Variants in CACTIN observed in about 807,000 individuals in gnomAD.
CACTIN encodes the protein splicing factor Cactin.
Under a neutral mutation model 84.9 loss-of-function variants are expected in CACTIN, and 20 were observed. That is an observed-to-expected ratio of 0.24 (90% CI 0.17 to 0.34). The LOEUF is 0.34. Ranked by LOEUF, CACTIN falls within the 10% of genes least tolerant of loss-of-function variation. The probability of loss-of-function intolerance (pLI) is 1.00; values close to 1 mark genes in which losing one functional copy is unlikely to be tolerated. For missense variants in CACTIN, 897 were observed against 1,117.2 expected (o/e 0.80, Z 2.81); for synonymous variants, 549 against 467.9 (o/e 1.17, Z -2.24).
At position 3,620,710 on chromosome 19, in the gene CACTIN, C is replaced by A; in HGVS notation, c.735G>T (p.Gln245His). The A allele has an allele frequency of 6.2e-7, 1 of 1,610,814 alleles. No homozygotes were observed. Residue 245 changes from glutamine (Q) to histidine (H), a missense_variant, in exon 3 of 10, where the codon CAG (glutamine) becomes CAT (histidine). Physicochemically the swap from Gln to His is conservative, Grantham distance 24. This residue lies in a region of CACTIN where 304 missense variants were observed against 444.3 expected (regional missense o/e 0.68). Transcript: ENST00000429344. ...RIQEDNRLEL[Q>H]KVKQLRLERE... Reference sequence around the variant, plus strand: ...AGTGGGCTGGCAGGGTGCCTACCTTCTGCAGCTCCAGCCGGTTGTCCTCCT... The same window carrying A: ...AGTGGGCTGGCAGGGTGCCTACCTTATGCAGCTCCAGCCGGTTGTCCTCCT...
At chr19:3,617,588 G>A (rs910399529) in intron 6 of CACTIN, among the ~76,000 whole-genome samples, 1 of 151,528 alleles carries the variant, frequency 6.6e-6, no homozygotes, top group Non-Finnish European at 1.5e-5. Context: ...GCTTATAGGA[G>A]AGGCCGGGCC....
chr19:3,620,432 A>C (rs2033199362), intron 3 of CACTIN, 160 bp from the exon 4 acceptor site: 3 of 868,394 alleles, frequency 3.5e-6, no homozygotes, highest in South Asian at 1.4e-5. Context: ...GGGAAGGGAG[A>C]GGGCCCTCCT....
intron 2 of CACTIN, 52 bp from the exon 3 acceptor site, chr19:3,620,854 C>G: frequency 7.0e-7 from 1 of 1,428,636 alleles, no homozygotes; most frequent in Non-Finnish European, 9.8e-7. Context: ...CCCTCGCCCC[C>G]CTCCTCAGCT....
intron 4 of CACTIN, 29 bp downstream of exon 4, chr19:3,620,098 G>A (rs776226603): frequency 6.2e-7 from 1 of 1,605,864 alleles, no homozygotes; most frequent in East Asian, 2.2e-5. Context: ...CCAAGTCTGG[G>A]TCGGAGGGAG....
At chr19:3,614,708 G>A in intron 6 of CACTIN, 119 bp from the exon 7 acceptor site, 1 of 786,422 alleles carries the variant, frequency 1.3e-6, no homozygotes, top group Non-Finnish European at 2.1e-6. Context: ...CCCCCACAGG[G>A]GTCCCATCCA....
At chr19:3,624,837 CTTTAAT>C (rs1474052746) in intron 1 of CACTIN, among the ~76,000 whole-genome samples, 5 of 151,948 alleles carry the variant, frequency 3.3e-5, no homozygotes, top group African/African-American at 1.2e-4. Flanking sequence ...GTTCAGGGGC[CTTTAAT>C]TTTATTTATT....
rs753854187 is a variant in CACTIN at position 3,613,306 on chromosome 19, G to A, written c.1538C>T (p.Ala513Val). The change falls in exon 9 of 10, where the codon GCG becomes GTG. Residue 513 changes from alanine to valine, a missense_variant. Ala to Val is a moderately conservative substitution (Grantham distance 64). Coordinates refer to ENST00000429344, the MANE Select transcript of CACTIN (RefSeq NM_001080543.2). Reference protein sequence around the residue: ...PPGPSSEGGPAEAEVDGATPT... With the variant: ...PPGPSSEGGPVEAEVDGATPT... ...GGTCGCGCCGTCCACCTCGGCCTCC[G>A]CGGGGCCGCCCTCCGAGGAGGGCCC... is the stretch of plus-strand genomic sequence containing the variant. 23 of 1,587,368 alleles carry A rather than the reference G, an allele frequency of 1.4e-5. No individual in the cohort carries two copies. Among genetic ancestry groups the A allele is most frequent in the South Asian group, 2.2e-5 (2 of 89,278 alleles).
rs1014548273 is a variant in CACTIN, at chr19:3,619,354, TG to T, written c.885-113del. 3.7e-5 allele frequency: 49 copies of T among 1,317,344 alleles called. No homozygotes were observed. The Middle Eastern group carries it at 7.6e-4, about 20-fold the overall frequency. The allele number at this position is 1,317,344 out of a possible 1,614,324, so 81.6% of individuals were successfully genotyped here. ...GGAGCCGAGGAGGGGCCTGACCCGT[TG>T]GGGGTGGTCAGGGAAGGCTTCCTGG... is the stretch of plus-strand genomic sequence containing the variant. On this transcript the variant is annotated intron_variant, in intron 4 of 9. Transcript: ENST00000429344.
rs376978054 is a variant in CACTIN at position 3,611,921 on chromosome 19, C to G, written c.*2G>C. ...ACACCTGCCTGCCGTTCCCCAGGGC[C>G]GTCACCGCCGATAGCGGTAGCGCTT... is the stretch of plus-strand genomic sequence containing the variant. On this transcript the variant is annotated 3_prime_UTR_variant, in exon 10 of 10. Coordinates refer to ENST00000429344, the MANE Select transcript of CACTIN (RefSeq NM_001080543.2). The G allele has an allele frequency of 6.2e-7, 1 of 1,612,224 alleles. No homozygotes were observed. The highest frequency in any genetic ancestry group is 8.5e-7 in the Non-Finnish European group (1 of 1,179,572).
intron 1 of CACTIN, among the ~76,000 whole-genome samples, chr19:3,625,347 T>A (rs1332987556): frequency 1.3e-5 from 2 of 152,216 alleles, no homozygotes; most frequent in African/African-American, 4.8e-5. Context: ...TCGTGAACAT[T>A]AATTCTAATT....
rs1219623551 is a variant in CACTIN, at chr19:3,619,071, G to C, written c.1047+9C>G. 1 of 1,552,992 alleles carries C rather than the reference G, an allele frequency of 6.4e-7. No homozygotes were observed. The highest frequency in any genetic ancestry group is 8.7e-7 in the Non-Finnish European group (1 of 1,148,010). Reference sequence around the variant, plus strand: ...GCAGGTCAGAGGAGCATCGGGTGGGGCTGGGTACCTGGATATCCTCCAGCA... The same window carrying C: ...GCAGGTCAGAGGAGCATCGGGTGGGCCTGGGTACCTGGATATCCTCCAGCA... On this transcript the variant is annotated intron_variant, in intron 5 of 9. Transcript: ENST00000429344.
chr19:3,623,407 T>TA (rs2033265882), intron 2 of CACTIN, among the ~76,000 whole-genome samples: 1 of 151,066 alleles, frequency 6.6e-6, no homozygotes, highest in South Asian at 2.1e-4. Context: ...CGGGCGCCTG[T>TA]AGCCCCAGCT....
chr19:3,620,831 G>T, intron 2 of CACTIN, 29 bp from the exon 3 acceptor site: 2 of 1,570,256 alleles, frequency 1.3e-6, no homozygotes, highest in Non-Finnish European at 1.7e-6. Flanking sequence ...CCTGCCCTGA[G>T]CACAGACCCG....
In CACTIN at chr19:3,620,100, C is replaced by A. The variant is rs370385181; in HGVS notation, c.884+27G>T. ...CCCGGCCCTGGCTCCAAGTCTGGGT[C>A]GGAGGGAGGGGGAGGCCCCAGCGCA... On this transcript the variant is annotated intron_variant, in intron 4 of 9. Coordinates refer to ENST00000429344, the MANE Select transcript of CACTIN (RefSeq NM_001080543.2). 5.6e-6 allele frequency: 9 copies of A among 1,605,940 alleles called. No individual in the cohort carries two copies. The Admixed American group carries it at 1.5e-4, about 27-fold the overall frequency.
At position 3,624,000 on chromosome 19, in the gene CACTIN, A is replaced by C. The variant is rs932042246; in HGVS notation, c.330T>G (p.Ser110=). ...CGGAGCTGGATGCTGAGGAGCTAGGAGACCACGAGCGTGCGCGCCGTCGCC... is the reference window on the plus strand; with the variant it reads ...CGGAGCTGGATGCTGAGGAGCTAGGCGACCACGAGCGTGCGCGCCGTCGCC... ...ARRRRRARSW[S]PSSSASSSAS... is the part of the protein sequence containing the mutation. Residue 110 remains serine (S), a synonymous_variant, in exon 2 of 10, where the codon TCT becomes TCG. Coordinates refer to ENST00000429344, the MANE Select transcript of CACTIN (RefSeq NM_001080543.2). 16 of 1,605,542 alleles carry C rather than the reference A, an allele frequency of 1.0e-5. No individual in the cohort carries two copies. The Admixed American group carries it at 1.5e-4, about 15-fold the overall frequency.
intron 1 of CACTIN, among the ~76,000 whole-genome samples, chr19:3,626,380 G>C (rs2033332651): frequency 6.6e-6 from 1 of 152,100 alleles, no homozygotes; most frequent in Admixed American, 6.5e-5. Context: ...CCCGGCTCCG[G>C]GCTGTCCCTC....
intron 9 of CACTIN, chr19:3,612,747 G>C (rs1416600385): frequency 2.9e-6 from 2 of 697,492 alleles, no homozygotes; most frequent in East Asian, 5.5e-5. Flanking sequence ...TCCTGGCCCA[G>C]GGGTTTTCTG....
At chr19:3,617,851 G>A (rs534738703) in intron 6 of CACTIN, among the ~76,000 whole-genome samples, 1 of 152,204 alleles carries the variant, frequency 6.6e-6, no homozygotes, top group East Asian at 1.9e-4. Context: ...TGTGCCCCAC[G>A]GAGGAGACCA....
chr19:3,619,232 G>A lies in CACTIN; in HGVS notation c.895C>T (p.Arg299Cys), dbSNP rs1382651018. 13 of 1,613,020 alleles carry A rather than the reference G, an allele frequency of 8.1e-6. No individual in the cohort carries two copies. The highest frequency in any genetic ancestry group is 1.0e-5 in the Non-Finnish European group (12 of 1,179,732). The change falls in exon 5 of 10, where the codon CGC (arginine) becomes TGC (cysteine). Residue 299 changes from arginine to cysteine, a missense_variant. Arg to Cys is a radical substitution (Grantham distance 180). Coordinates refer to ENST00000429344, the MANE Select transcript of CACTIN (RefSeq NM_001080543.2). ...GGCTTGGCCCGCCCGTCCCGGATGCGGATCTTGGAACTGTGGGGAGCAGGG... is the reference window on the plus strand; with the variant it reads ...GGCTTGGCCCGCCCGTCCCGGATGCAGATCTTGGAACTGTGGGGAGCAGGG... ...LQQAKLRSKI[R>C]IRDGRAKPID...
Sources: gnomAD v4.1 joint callset for allele counts (sites outside exome capture counted in the v4.1 genomes callset) on GRCh38, gnomAD v4.1.1 for gene constraint, gnomAD v4.1.1 regional missense constraint, MANE v1.5 for transcripts, NCBI Gene and HGNC (gene_info 2026-07-23, HGNC 2026-07-21) for gene names.